Variants in FHIP1A observed in about 807,000 individuals in gnomAD.
The protein encoded by FHIP1A is FHF complex subunit HOOK interacting protein 1A, also known as FHF complex subunit HOOK-interacting protein 1A.
FHIP1A carries 61 observed loss-of-function variants against 88.6 expected under a neutral mutation model. The observed-to-expected ratio is 0.69, with a 90% CI of 0.56 to 0.85. FHIP1A has a LOEUF of 0.85. Ranked by LOEUF, FHIP1A falls within the 40% of genes least tolerant of loss-of-function variation. The probability of loss-of-function intolerance (pLI) is 0.00; values close to 1 mark genes in which losing one functional copy is unlikely to be tolerated. For missense variants in FHIP1A, 1,154 were observed against 1,273.5 expected, an observed-to-expected ratio of 0.91 and a Z score of 1.43; for synonymous variants, 478 against 496.0, an observed-to-expected ratio of 0.96 and a Z score of 0.48.
intron 4 of FHIP1A, among the ~76,000 whole-genome samples, chr4:151,570,698 A>G (rs1173241105): frequency 6.6e-6 from 1 of 152,222 alleles, no homozygotes; most frequent in Non-Finnish European, 1.5e-5. Flanking sequence ...GCCATTTGTA[A>G]CTTACATCCC....
At chr4:151,631,269 A>T (rs1056972519) in intron 8 of FHIP1A, among the ~76,000 whole-genome samples, 1 of 152,168 alleles carries the variant, frequency 6.6e-6, no homozygotes, top group African/African-American at 2.4e-5. Context: ...GAAGTCTCAA[A>T]TTACTAAAAT....
chr4:151,490,442 A>G (rs1053088902), intron 3 of FHIP1A, among the ~76,000 whole-genome samples: 7 of 152,148 alleles, frequency 4.6e-5, no homozygotes, highest in African/African-American at 1.7e-4. Flanking sequence ...AGGAAGCCGC[A>G]TGTCTAGGGG....
chr4:151,487,552 T>C (rs992359170), intron 3 of FHIP1A, among the ~76,000 whole-genome samples: 2 of 152,238 alleles, frequency 1.3e-5, no homozygotes, highest in African/African-American at 2.4e-5. Flanking sequence ...GTGTCTGGCA[T>C]TGAACTCATT....
At position 151,515,582 on chromosome 4, in the gene FHIP1A, A is replaced by T. The variant is rs187408744; in HGVS notation, c.-123+32934A>T. Among the ~76,000 whole-genome samples, 459 of 152,356 alleles carry T rather than the reference A, an allele frequency of 3.0e-3. 2 individuals are homozygous for T. Among genetic ancestry groups the T allele is most frequent in the African/African-American group, 0.011 (446 of 41,576 alleles). ...ATTGTTTCAGCCCTAAATCTCCTTA[A>T]GCTGATAGCAACTTCAGCAAAGTCT... On this transcript the variant is annotated intron_variant, in intron 3 of 13. Transcript: ENST00000435205.
intron 11 of FHIP1A, among the ~76,000 whole-genome samples, chr4:151,652,117 A>G (rs1465520657): frequency 1.3e-5 from 2 of 152,176 alleles, no homozygotes; most frequent in African/African-American, 4.8e-5. Flanking sequence ...GAGGAGCTTC[A>G]TTCCTGGGAA....
At chr4:151,574,397 T>A (rs1291606762) in intron 4 of FHIP1A, among the ~76,000 whole-genome samples, 1 of 152,234 alleles carries the variant, frequency 6.6e-6, no homozygotes, top group East Asian at 1.9e-4. Context: ...AAAAGAGGTC[T>A]GTTTGTAAAG....
intron 4 of FHIP1A, among the ~76,000 whole-genome samples, chr4:151,569,870 A>G (rs1247325029): frequency 1.3e-5 from 2 of 152,180 alleles, no homozygotes; most frequent in East Asian, 3.9e-4. Context: ...GAGGTTCCCA[A>G]CTGCTTCTGG....
At chr4:151,445,465 G>T (rs762895348) in intron 1 of FHIP1A, among the ~76,000 whole-genome samples, 21 of 151,888 alleles carry the variant, frequency 1.4e-4, no homozygotes, top group Non-Finnish European at 2.5e-4. Context: ...AAGGTGGAGT[G>T]GGGGGGTGGA....
chr4:151,589,377 A>G (rs1734339976), intron 7 of FHIP1A, among the ~76,000 whole-genome samples: 1 of 152,224 alleles, frequency 6.6e-6, no homozygotes, highest in African/African-American at 2.4e-5. Flanking sequence ...TGTGACAGCA[A>G]AAATTAAAGT....
At chr4:151,456,136 C>T (rs1352894781) in intron 2 of FHIP1A, among the ~76,000 whole-genome samples, 9 of 152,150 alleles carry the variant, frequency 5.9e-5, no homozygotes, top group Non-Finnish European at 1.2e-4. Flanking sequence ...TTACCTATTA[C>T]AGAGATTTAT....
At chr4:151,434,881 A>G (rs773858343) in intron 1 of FHIP1A, among the ~76,000 whole-genome samples, 4 of 152,122 alleles carry the variant, frequency 2.6e-5, no homozygotes, top group Non-Finnish European at 4.4e-5. Flanking sequence ...CTGTTGTCTA[A>G]GAAAATATCT....
chr4:151,669,365 T>G lies in FHIP1A; in HGVS notation c.*6611T>G, dbSNP rs1448273097. ...AATCAGTCCTTAATACAGTTTGCAC[T>G]TGACATAATAGTTTTGGTAAATGTC... is the stretch of plus-strand genomic sequence containing the variant. On this transcript the variant is annotated 3_prime_UTR_variant, in exon 14 of 14. Transcript: ENST00000435205. Among the ~76,000 whole-genome samples the G allele has an allele frequency of 6.6e-6, 1 of 152,238 alleles. No individual in the cohort carries two copies. The highest frequency in any genetic ancestry group is 1.5e-5 in the Non-Finnish European group (1 of 68,040).
chr4:151,586,831 A>G (rs377658726), intron 6 of FHIP1A, 32 bp downstream of exon 6: 215 of 1,490,548 alleles, frequency 1.4e-4, no homozygotes, highest in Non-Finnish European at 1.8e-4. Flanking sequence ...TCCCTTTGCT[A>G]TGGCTTCATT....
chr4:151,621,307 G>A (rs923653185), intron 7 of FHIP1A, among the ~76,000 whole-genome samples: 3 of 152,014 alleles, frequency 2.0e-5, no homozygotes, highest in Non-Finnish European at 2.9e-5. Flanking sequence ...AGAGAGAAAC[G>A]AACAGAATAA....
At chr4:151,518,382 CAAT>C (rs1444860782) in intron 3 of FHIP1A, among the ~76,000 whole-genome samples, 1 of 152,018 alleles carries the variant, frequency 6.6e-6, no homozygotes, top group Non-Finnish European at 1.5e-5. Context: ...GATATTTTCA[CAAT>C]GACAAAATCA....
intron 2 of FHIP1A, among the ~76,000 whole-genome samples, chr4:151,471,801 T>C (rs1172190074): frequency 1.3e-5 from 2 of 152,164 alleles, no homozygotes; most frequent in Non-Finnish European, 2.9e-5. Flanking sequence ...CCAAAGTCCG[T>C]TGTGTCATTC....
intron 3 of FHIP1A, among the ~76,000 whole-genome samples, chr4:151,507,668 T>C (rs1445997363): frequency 6.6e-6 from 1 of 152,126 alleles, no homozygotes; most frequent in Non-Finnish European, 1.5e-5. Flanking sequence ...CAAGGGCATC[T>C]ATAATGTTTT....
At chr4:151,480,696 A>T (rs1423486579) in intron 2 of FHIP1A, among the ~76,000 whole-genome samples, 10 of 152,150 alleles carry the variant, frequency 6.6e-5, no homozygotes, top group East Asian at 5.8e-4. Context: ...GAGGGTATTG[A>T]GGAAATCTGA....
intron 3 of FHIP1A, among the ~76,000 whole-genome samples, chr4:151,536,399 A>G (rs987524857): frequency 6.6e-5 from 10 of 152,126 alleles, no homozygotes; most frequent in Admixed American, 2.6e-4. Flanking sequence ...TAGTTCCAAC[A>G]CTATGTGGGT....
Sources: gnomAD v4.1 joint callset for allele counts (sites outside exome capture counted in the v4.1 genomes callset) on GRCh38, gnomAD v4.1.1 for gene constraint, MANE v1.5 for transcripts, NCBI Gene and HGNC (gene_info 2026-07-23, HGNC 2026-07-21) for gene names.